KMO: variants seen among roughly 807,000 people sequenced by gnomAD.
KMO encodes kynurenine 3-monooxygenase.
Under a neutral mutation model 57.8 loss-of-function variants are expected in KMO, and 24 were observed. That is an observed-to-expected ratio of 0.42 (90% CI 0.30 to 0.58). The LOEUF is 0.58. Among genes scored for constraint, KMO ranks in the 20% least tolerant of loss-of-function variants. KMO has a pLI of 0.22. For missense variants in KMO, 483 were observed against 588.2 expected (o/e 0.82, Z 1.85); for synonymous variants, 210 against 193.6 (o/e 1.08, Z -0.70).
chr1:241,588,748 G>A lies in KMO; in HGVS notation c.1016G>A (p.Ser339Asn). 1 of 1,610,066 alleles carries A rather than the reference G, an allele frequency of 6.2e-7. No homozygotes were observed. The highest frequency in any genetic ancestry group is 8.5e-7 in the Non-Finnish European group (1 of 1,176,644). ...GAAAGATGTATTATTTAACTTACAG[G>A]TTTGTGTCTTCCTGTGTTCTCAAGA... ...ELMDKFSNDL[S>N]LCLPVFSRLR... The change falls in exon 12 of 15, where the codon AGT (serine) becomes AAT (asparagine). Residue 339 changes from serine (S) to asparagine (N), a missense_variant and splice_region_variant. Around this residue, in one of 3 missense-constraint regions of KMO, gnomAD observed 410 missense variants for 492.3 expected, o/e 0.83. Coordinates refer to ENST00000366559, the MANE Select transcript of KMO (RefSeq NM_003679.5).
intron 4 of KMO, among the ~76,000 whole-genome samples, chr1:241,552,177 A>T (rs200439378): frequency 0.084 from 5,622 of 67,000 alleles, 118 homozygotes; most frequent in Non-Finnish European, 0.12. Context: ...AGTGTGTGTG[A>T]GAGAGAGAGA....
chr1:241,558,938 C>A (rs1661736828), intron 5 of KMO, among the ~76,000 whole-genome samples: 1 of 151,802 alleles, frequency 6.6e-6, no homozygotes, highest in African/African-American at 2.4e-5. Flanking sequence ...CATGGTGAAA[C>A]CCTATCTCTA....
chr1:241,551,066 T>C (rs113232471), intron 4 of KMO, 22 bp downstream of exon 4: 313 of 1,308,028 alleles, frequency 2.4e-4, no homozygotes, highest in Non-Finnish European at 3.0e-4. Flanking sequence ...CCGGAGATCA[T>C]TGTGCATTGA....
intron 8 of KMO, among the ~76,000 whole-genome samples, chr1:241,565,673 G>A (rs774069459): frequency 5.4e-4 from 82 of 151,716 alleles, no homozygotes; most frequent in Admixed American, 1.5e-3. Context: ...GCAGTAAGCC[G>A]TGATCATCCC....
intron 10 of KMO, among the ~76,000 whole-genome samples, chr1:241,585,903 T>C (rs2147982810): frequency 6.6e-6 from 1 of 152,230 alleles, no homozygotes; most frequent in South Asian, 2.1e-4. Flanking sequence ...TTACTAATTT[T>C]GTGGACTTCT....
chr1:241,565,184 T>C, intron 8 of KMO, 126 bp downstream of exon 8: 1 of 602,618 alleles, frequency 1.7e-6, no homozygotes, highest in Non-Finnish European at 2.9e-6. Context: ...TTAGTGATTA[T>C]AGCTTTGAAA....
intron 14 of KMO, 172 bp downstream of exon 14, chr1:241,590,435 CA>C: frequency 1.8e-6 from 1 of 558,322 alleles, no homozygotes. Flanking sequence ...TACTGAAAAA[CA>C]TTACAAGGAG....
At position 241,551,044 on chromosome 1, in the gene KMO, G is replaced by T. The variant is rs1322853828; in HGVS notation, c.312G>T (p.Gln104His). ...CAATTCCCTATGGGACAAAGTCTCA[G>T]GTAGGTTTACCCCGGAGATCATTGT... ...KSAIPYGTKS[Q>H]YILSVSRENL... Residue 104 changes from glutamine to histidine, a missense_variant and splice_region_variant, in exon 4 of 15, where the codon CAG (glutamine) becomes CAT (histidine). Gln to His is a conservative substitution (Grantham distance 24, BLOSUM62 0). This residue lies in a region of KMO where 410 missense variants were observed against 492.3 expected (regional missense o/e 0.83). Transcript: ENST00000366559. The T allele has an allele frequency of 3.3e-6, 5 of 1,522,732 alleles. No homozygotes were observed. The highest frequency in any genetic ancestry group is 4.5e-6 in the Non-Finnish European group (5 of 1,116,562). The allele number at this position is 1,522,732 out of a possible 1,614,324, so 94.3% of individuals were successfully genotyped here. A position where few individuals can be genotyped will look rare whatever the true frequency, so the allele number is the denominator to read the frequency against.
At chr1:241,553,516 G>T (rs1573913332) in intron 4 of KMO, among the ~76,000 whole-genome samples, 1 of 152,098 alleles carries the variant, frequency 6.6e-6, no homozygotes, top group Non-Finnish European at 1.5e-5. Context: ...GCAAGACCCT[G>T]TTTCTATAAA....
In KMO at chr1:241,590,023, T is replaced by C. The variant is rs1663186992; in HGVS notation, c.1110T>C (p.His370=). The C allele has an allele frequency of 6.2e-7, 1 of 1,613,694 alleles. No individual in the cohort carries two copies. Among genetic ancestry groups the C allele is most frequent in the African/African-American group, 1.3e-5 (1 of 75,036 alleles). ...SMYNYIEMRA[H]VNSSWFIFQK... is the part of the protein sequence containing the mutation. ...TGTCATTATTGCAGATGCGAGCACA[T>C]GTCAACTCAAGCTGGTTCATTTTTC... The change falls in exon 13 of 15, where the codon CAT becomes CAC. Residue 370 remains histidine (H), a synonymous_variant. Coordinates refer to ENST00000366559, the MANE Select transcript of KMO (RefSeq NM_003679.5).
chr1:241,591,888 A>C, intron 14 of KMO, 65 bp from the exon 15 acceptor site: 1 of 1,339,014 alleles, frequency 7.5e-7, no homozygotes, highest in Non-Finnish European at 1.1e-6. Flanking sequence ...GTTGTTAAAA[A>C]ATGAAGTCTA....
chr1:241,546,673 C>T, intron 1 of KMO, among the ~76,000 whole-genome samples: 1 of 152,112 alleles, frequency 6.6e-6, no homozygotes, highest in East Asian at 1.9e-4. Flanking sequence ...GATGGCATAT[C>T]ATTCACTTAC....
chr1:241,532,639 T>C (rs1002715259), intron 1 of KMO, 141 bp downstream of exon 1: 1 of 596,442 alleles, frequency 1.7e-6, no homozygotes, highest in Non-Finnish European at 2.9e-6. Context: ...ATTTTGTTTA[T>C]TTTTTTAATA....
Position 241,568,497 on chromosome 1 carries a change from AAGGAAACTCCT to A in KMO, c.810_820del (p.Glu270AspfsTer23). The A allele has an allele frequency of 6.2e-7, 1 of 1,613,432 alleles. No individual in the cohort carries two copies. The highest frequency in any genetic ancestry group is 8.5e-7 in the Non-Finnish European group (1 of 1,179,518). On this transcript the variant is annotated splice_acceptor_variant and coding_sequence_variant, in exon 10 of 15. Transcript: ENST00000366559. LOFTEE classifies it high-confidence loss of function. ...TTTATATTCGGATTATTTTCCTTTG[AAGGAAACTCCT>A]AGTGCAAGATTTCTTCCTGTTGCCT...
chr1:241,594,081 G>T lies in KMO; in HGVS notation c.*1928G>T, dbSNP rs546404813. 6.5e-4 allele frequency: 161 copies of T among 246,934 alleles called. No homozygotes were observed. Among genetic ancestry groups the T allele is most frequent in the Middle Eastern group, 4.5e-3 (3 of 674 alleles). 15.3% of individuals were successfully genotyped at this position (246,934 alleles called of 1,614,324 possible). On this transcript the variant is annotated 3_prime_UTR_variant, in exon 15 of 15. Transcript: ENST00000366559. ...TGTGTACGCGACAGTTATTTTTACA[G>T]TAAGGTATTTTCGAGAAAAATGCAT...
At position 241,542,725 on chromosome 1, in the gene KMO, T is replaced by C. The variant is rs139358944; in HGVS notation, c.55-6104T>C. Among the ~76,000 whole-genome samples the C allele has an allele frequency of 6.6e-3, 1,001 of 152,356 alleles. 1 individual carries two copies. The highest frequency in any genetic ancestry group is 1.0e-2 in the Non-Finnish European group (678 of 68,024). ...CTGTGCTGTCCTCCTTCACTATTTA[T>C]GCTCAGGAACCCAGCTGTGCCTTAA... On this transcript the variant is annotated intron_variant, in intron 1 of 14. Coordinates refer to ENST00000366559, the MANE Select transcript of KMO (RefSeq NM_003679.5).
At chr1:241,551,087 G>A in intron 4 of KMO, 43 bp downstream of exon 4, 1 of 1,116,318 alleles carries the variant, frequency 9.0e-7, no homozygotes, top group South Asian at 1.4e-5. Flanking sequence ...TTATAAGGAA[G>A]TCAAAGTCTG....
intron 10 of KMO, among the ~76,000 whole-genome samples, chr1:241,582,039 A>G (rs1475599474): frequency 2.6e-5 from 4 of 152,186 alleles, no homozygotes; most frequent in African/African-American, 9.6e-5. Flanking sequence ...GCTGCATACA[A>G]TATTCTAAAT....
intron 1 of KMO, among the ~76,000 whole-genome samples, chr1:241,539,224 A>T (rs1463325590): frequency 6.6e-6 from 1 of 152,102 alleles, no homozygotes; most frequent in Non-Finnish European, 1.5e-5. Context: ...CTCTACTGAA[A>T]CACAAAAAAA....
Sources: allele counts gnomAD v4.1 joint callset (sites outside exome capture counted in the v4.1 genomes callset), GRCh38; gene constraint gnomAD v4.1.1; regional missense constraint gnomAD v4.1.1; transcripts MANE v1.5; gene names NCBI Gene and HGNC (gene_info 2026-07-23, HGNC 2026-07-21).